GPR50: variants seen among roughly 807,000 people sequenced by gnomAD.
GPR50 encodes melatonin-related receptor.
GPR50 carries 1 observed loss-of-function variant against 2.6 expected under a neutral mutation model. The observed-to-expected ratio is 0.38, with a 90% CI of 0.13 to 1.79. The LOEUF is 1.79. Among genes scored for constraint, GPR50 ranks in the 40% most tolerant of loss-of-function variants. The pLI, the probability that GPR50 is intolerant of heterozygous loss-of-function variation, is 0.33. For missense variants in GPR50, 535 were observed against 522.1 expected, an observed-to-expected ratio of 1.02 and a Z score of -0.24; for synonymous variants, 233 against 202.3, an observed-to-expected ratio of 1.15 and a Z score of -1.29.
In GPR50 at chrX:151,180,777, A is replaced by G. The variant is rs202052111; in HGVS notation, c.1194A>G (p.Lys398=). 8.3e-7 allele frequency: 1 copy of G among 1,207,186 alleles called. No homozygotes were observed. The highest frequency in any genetic ancestry group is 3.0e-5 in the East Asian group (1 of 33,612). ...CCAGATCCTCCTCTGCCTATCGCAAATCTGCCTCTACCCACCACAAGTCTG... is the reference window on the plus strand; with the variant it reads ...CCAGATCCTCCTCTGCCTATCGCAAGTCTGCCTCTACCCACCACAAGTCTG... ...PHSRSSSAYR[K]SASTHHKSVF... Residue 398 remains lysine, a synonymous_variant, in exon 2 of 2, where the codon AAA becomes AAG. Transcript: ENST00000218316.
At position 151,176,900 on chromosome X, in the gene GPR50, G is replaced by A. The variant is rs375887607; in HGVS notation, c.179G>A (p.Arg60Gln). The change falls in exon 1 of 2, where the codon CGG (arginine) becomes CAG (glutamine). Residue 60 changes from arginine to glutamine, a missense_variant. Physicochemically the swap from Arg to Gln is conservative, Grantham distance 43. Transcript: ENST00000218316. ...ILAVTKNKKL[R>Q]NSGNIFVVSL... ...GCTGTGACGAAGAACAAGAAGCTCC[G>A]GAATTCTGGTAAGCCACCCCTTCTT... is the stretch of plus-strand genomic sequence containing the variant. 3.3e-5 allele frequency: 39 copies of A among 1,196,159 alleles called. No homozygotes were observed. The highest frequency in any genetic ancestry group is 4.7e-4 in the Middle Eastern group (2 of 4,294).
At position 151,180,679 on chromosome X, in the gene GPR50, C is replaced by G. The variant is rs200814649; in HGVS notation, c.1096C>G (p.Arg366Gly). 5.8e-6 allele frequency: 7 copies of G among 1,211,489 alleles called. No individual in the cohort carries two copies. The East Asian group carries it at 2.1e-4, about 36-fold the overall frequency. ...PAVEETPMNV[R>G]NVPLPGDAAA... is the part of the protein sequence containing the mutation. ...TGTGGAGGAAACCCCGATGAATGTC[C>G]GGAATGTTCCATTACCTGGTGATGC... The change falls in exon 2 of 2, where the codon CGG (arginine) becomes GGG (glycine). Residue 366 changes from arginine to glycine, a missense_variant. Physicochemically the swap from Arg to Gly is moderately radical, Grantham distance 125. Transcript: ENST00000218316.
At chrX:151,177,306 C>G (rs966490277) in intron 1 of GPR50, 1 of 124,838 alleles carries the variant, frequency 8.0e-6, no homozygotes, top group African/African-American at 3.2e-5. Flanking sequence ...ACCGAACTGA[C>G]GCGGAGGGAG....
chrX:151,181,373 C>G lies in GPR50; in HGVS notation c.1790C>G (p.Thr597Ser). 1 of 1,192,166 alleles carries G rather than the reference C, an allele frequency of 8.4e-7. No individual in the cohort carries two copies. Among genetic ancestry groups the G allele is most frequent in the Non-Finnish European group, 1.1e-6 (1 of 880,893 alleles). ...LPDPTVVTTS[T>S]NDYHDVVVID... The stretch of plus-strand genomic sequence containing the variant: ...GACCCTACTGTAGTCACTACCAGTA[C>G]CAATGATTACCATGATGTCGTGGTT... Residue 597 changes from threonine to serine, a missense_variant, in exon 2 of 2, where the codon ACC (threonine) becomes AGC (serine). Physicochemically the swap from Thr to Ser is moderately conservative, Grantham distance 58 (BLOSUM62 1). Transcript: ENST00000218316.
rs748768797 is a variant in GPR50, at chrX:151,180,842, C to T, written c.1259C>T (p.Pro420Leu). ...HSKAASGHLK[P>L]VSGHSKPASG... The stretch of plus-strand genomic sequence containing the variant: ...AAGGCTGCCTCTGGTCACCTCAAGC[C>T]TGTCTCTGGCCACTCCAAGCCTGCC... The change falls in exon 2 of 2, where the codon CCT becomes CTT. Residue 420 changes from proline to leucine, a missense_variant. Coordinates refer to ENST00000218316, the MANE Select transcript of GPR50 (RefSeq NM_004224.3). 1.7e-6 allele frequency: 2 copies of T among 1,211,048 alleles called. No homozygotes were observed. The highest frequency in any genetic ancestry group is 3.5e-5 in the African/African-American group (2 of 57,714).
In GPR50 at chrX:151,180,867, C is replaced by T. The variant is rs2048709559; in HGVS notation, c.1284C>T (p.Ala428=). 2.5e-6 allele frequency: 3 copies of T among 1,207,875 alleles called. No homozygotes were observed. In the South Asian group the frequency reaches 5.3e-5, roughly 21 times the overall value. Residue 428 remains alanine, a synonymous_variant, in exon 2 of 2, where the codon GCC becomes GCT. Transcript: ENST00000218316. The part of the protein sequence containing the change: ...LKPVSGHSKP[A]SGHPKSATVY... ...CTGTCTCTGGCCACTCCAAGCCTGC[C>T]TCTGGTCACCCCAAGTCTGCCACTG...
Position 151,176,692 on chromosome X carries a change from T to G in GPR50, c.-30T>G. On this transcript the variant is annotated 5_prime_UTR_variant, in exon 1 of 2. Transcript: ENST00000218316. ...ACCTGGCTGCTGATCCTGAGCCTGCTGGGAGATCTTAACGATCCCCAGGAG... is the reference window on the plus strand; with the variant it reads ...ACCTGGCTGCTGATCCTGAGCCTGCGGGGAGATCTTAACGATCCCCAGGAG... 1 of 1,081,987 alleles carries G rather than the reference T, an allele frequency of 9.2e-7. No homozygotes were observed. Among genetic ancestry groups the G allele is most frequent in the East Asian group, 3.1e-5 (1 of 31,919 alleles). 89.2% of individuals were successfully genotyped at this position (1,081,987 alleles called of 1,213,427 possible). A position where few individuals can be genotyped will look rare whatever the true frequency, so the allele number is the denominator to read the frequency against.
Position 151,181,390 on chromosome X carries a change from G to A in GPR50, c.1807G>A (p.Val603Ile). The change falls in exon 2 of 2, where the codon GTC becomes ATC. Residue 603 changes from valine (V) to isoleucine (I), a missense_variant. Val to Ile is a conservative substitution (Grantham distance 29). Coordinates refer to ENST00000218316, the MANE Select transcript of GPR50 (RefSeq NM_004224.3). ...TACCAGTACCAATGATTACCATGAT[G>A]TCGTGGTTATTGATGTTGAAGATGA... ...VTTSTNDYHD[V>I]VVIDVEDDPD... 8.4e-7 allele frequency: 1 copy of A among 1,191,932 alleles called. No individual in the cohort carries two copies. The highest frequency in any genetic ancestry group is 1.1e-6 in the Non-Finnish European group (1 of 882,847).
Position 151,176,755 on chromosome X carries a change from G to A in GPR50, c.34G>A (p.Gly12Ser). The A allele has an allele frequency of 3.3e-6, 4 of 1,202,568 alleles. No individual in the cohort carries two copies. In the South Asian group the frequency reaches 5.4e-5, roughly 16 times the overall value. ...GPTLAVPTPYGCIGCKLPQPE... is the reference protein window; with the variant it reads ...GPTLAVPTPYSCIGCKLPQPE... ...CACCCTAGCGGTTCCCACCCCCTAT[G>A]GCTGTATTGGCTGTAAGCTACCCCA... The change falls in exon 1 of 2, where the codon GGC (glycine) becomes AGC (serine). Residue 12 changes from glycine (G) to serine (S), a missense_variant. Gly to Ser is a moderately conservative substitution (Grantham distance 56). Coordinates refer to ENST00000218316, the MANE Select transcript of GPR50 (RefSeq NM_004224.3).
rs369275407 is a variant in GPR50 at position 151,177,232 on chromosome X, G to C, written c.187+324G>C. Reference sequence around the variant, plus strand: ...CGGCACCCGAGCGGGAGAGTCAGGCGATTCGCCCGGGGACAGCAAGCCGAG... The same window carrying C: ...CGGCACCCGAGCGGGAGAGTCAGGCCATTCGCCCGGGGACAGCAAGCCGAG... On this transcript the variant is annotated intron_variant, in intron 1 of 1. Transcript: ENST00000218316. 1.7e-5 allele frequency: 3 copies of C among 177,018 alleles called. No homozygotes were observed. In the South Asian group the frequency reaches 7.8e-4, roughly 46 times the overall value. The allele number at this position is 177,018 out of a possible 1,213,427, so 14.6% of individuals were successfully genotyped here.
Position 151,180,547 on chromosome X carries a change from C to G in GPR50, c.964C>G (p.Leu322Val), listed in dbSNP as rs1046919874. 2 of 1,211,397 alleles carry G rather than the reference C, an allele frequency of 1.7e-6. No individual in the cohort carries two copies. The highest frequency in any genetic ancestry group is 2.2e-6 in the Non-Finnish European group (2 of 895,337). Residue 322 changes from leucine (L) to valine (V), a missense_variant, in exon 2 of 2, where the codon CTC becomes GTC. Coordinates refer to ENST00000218316, the MANE Select transcript of GPR50 (RefSeq NM_004224.3). The part of the protein sequence containing the change: ...MRHPIIFFSG[L>V]ISDIREMQEA... ...GCACCCTATCATATTCTTCTCTGGC[C>G]TCATCAGTGATATTCGTGAGATGCA...
chrX:151,180,721 G>C lies in GPR50; in HGVS notation c.1138G>C (p.Asp380His). 5.8e-6 allele frequency: 7 copies of C among 1,210,697 alleles called. No individual in the cohort carries two copies. The highest frequency in any genetic ancestry group is 7.8e-6 in the Non-Finnish European group (7 of 895,016). The change falls in exon 2 of 2, where the codon GAC becomes CAC. Residue 380 changes from aspartate (D) to histidine (H), a missense_variant. Asp to His is a moderately conservative substitution (Grantham distance 81). Coordinates refer to ENST00000218316, the MANE Select transcript of GPR50 (RefSeq NM_004224.3). ...TGGTGATGCTGCAGCTGGCCACCCC[G>C]ACCGTGCCTCTGGCCACCCTAAGCC... is the stretch of plus-strand genomic sequence containing the variant. The part of the protein sequence containing the change: ...LPGDAAAGHP[D>H]RASGHPKPHS...
chrX:151,178,833 A>G (rs968131748), intron 1 of GPR50, among the ~76,000 whole-genome samples: 23 of 112,214 alleles, frequency 2.0e-4, no homozygotes, highest in African/African-American at 6.8e-4. Context: ...GGTTTTACAA[A>G]AAAGTTCCCA....
chrX:151,180,585 C>T lies in GPR50; in HGVS notation c.1002C>T (p.Thr334=). The T allele has an allele frequency of 8.3e-7, 1 of 1,210,401 alleles. No individual in the cohort carries two copies. Among genetic ancestry groups the T allele is most frequent in the Non-Finnish European group, 1.1e-6 (1 of 894,524 alleles). Residue 334 remains threonine (T), a synonymous_variant, in exon 2 of 2, where the codon ACC becomes ACT. Coordinates refer to ENST00000218316, the MANE Select transcript of GPR50 (RefSeq NM_004224.3). ...TTCGTGAGATGCAGGAGGCCCGTAC[C>T]CTGGCCCGCGCCCGTGCCCATGCTC... The part of the protein sequence containing the change: ...SDIREMQEAR[T]LARARAHARD...
rs764266376 is a variant in GPR50 at position 151,181,084 on chromosome X, C to A, written c.1501C>A (p.Pro501Thr). The A allele has an allele frequency of 1.4e-4, 165 of 1,163,243 alleles. No homozygotes were observed. The highest frequency in any genetic ancestry group is 1.8e-4 in the Non-Finnish European group (160 of 870,135). The change falls in exon 2 of 2, where the codon CCC (proline) becomes ACC (threonine). Residue 501 changes from proline (P) to threonine (T), a missense_variant. Physicochemically the swap from Pro to Thr is conservative, Grantham distance 38. Transcript: ENST00000218316. Reference protein sequence around the residue: ...AFSAATSHPKPTTGHIKPATS... With the variant: ...AFSAATSHPKTTTGHIKPATS... ...CAGTGCTGCCACCAGCCACCCTAAACCCACCACTGGCCACATCAAGCCAGC... is the reference window on the plus strand; with the variant it reads ...CAGTGCTGCCACCAGCCACCCTAAAACCACCACTGGCCACATCAAGCCAGC...
In GPR50 at chrX:151,181,034, C is replaced by A. The variant is rs1027467005; in HGVS notation, c.1451C>A (p.Ala484Asp). The change falls in exon 2 of 2, where the codon GCT becomes GAT. Residue 484 changes from alanine to aspartate, a missense_variant. Physicochemically the swap from Ala to Asp is moderately radical, Grantham distance 126. Transcript: ENST00000218316. ...CCCATCACTGGCCACCATGTCTCTG[C>A]TGGCAGCCACTCCAAGTCTGCCTTC... ...PKPITGHHVSAGSHSKSAFSA... is the reference protein window; with the variant it reads ...PKPITGHHVSDGSHSKSAFSA... 8.3e-7 allele frequency: 1 copy of A among 1,208,933 alleles called. No individual in the cohort carries two copies. Among genetic ancestry groups the A allele is most frequent in the African/African-American group, 1.8e-5 (1 of 56,889 alleles).
Position 151,180,561 on chromosome X carries a change from T to C in GPR50, c.978T>C (p.Ile326=). The part of the protein sequence containing the change: ...IIFFSGLISD[I]REMQEARTLA... ...TCTTCTCTGGCCTCATCAGTGATAT[T>C]CGTGAGATGCAGGAGGCCCGTACCC... The change falls in exon 2 of 2, where the codon ATT becomes ATC. Residue 326 remains isoleucine (I), a synonymous_variant. Transcript: ENST00000218316. The C allele has an allele frequency of 8.3e-7, 1 of 1,211,161 alleles. No homozygotes were observed. The highest frequency in any genetic ancestry group is 1.1e-6 in the Non-Finnish European group (1 of 895,213).
In GPR50 at chrX:151,181,164, C is replaced by A. The variant is rs777433829; in HGVS notation, c.1581C>A (p.Ser527Arg). The change falls in exon 2 of 2, where the codon AGC becomes AGA. Residue 527 changes from serine (S) to arginine (R), a missense_variant. Physicochemically the swap from Ser to Arg is moderately radical, Grantham distance 110 (BLOSUM62 -1). Transcript: ENST00000218316. ...ACTATCCCAAGCCTGCCACTACCAG[C>A]CACCCTAAGCCCACTGCTGCTGACA... ...TADYPKPATTSHPKPTAADNP... is the reference protein window; with the variant it reads ...TADYPKPATTRHPKPTAADNP... 3 of 1,209,039 alleles carry A rather than the reference C, an allele frequency of 2.5e-6. No homozygotes were observed.
rs768173691 is a variant in GPR50 at position 151,180,845 on chromosome X, T to C, written c.1262T>C (p.Val421Ala). ...GCTGCCTCTGGTCACCTCAAGCCTGTCTCTGGCCACTCCAAGCCTGCCTCT... is the reference window on the plus strand; with the variant it reads ...GCTGCCTCTGGTCACCTCAAGCCTGCCTCTGGCCACTCCAAGCCTGCCTCT... ...SKAASGHLKP[V>A]SGHSKPASGH... Residue 421 changes from valine (V) to alanine (A), a missense_variant, in exon 2 of 2, where the codon GTC becomes GCC. By Grantham distance (64) the Val-to-Ala change is moderately conservative. Coordinates refer to ENST00000218316, the MANE Select transcript of GPR50 (RefSeq NM_004224.3). 1 of 1,210,485 alleles carries C rather than the reference T, an allele frequency of 8.3e-7. No individual in the cohort carries two copies. The highest frequency in any genetic ancestry group is 1.1e-6 in the Non-Finnish European group (1 of 894,825).
Sources: gnomAD v4.1 joint callset for allele counts (sites outside exome capture counted in the v4.1 genomes callset) on GRCh38, gnomAD v4.1.1 for gene constraint, MANE v1.5 for transcripts, NCBI Gene and HGNC (gene_info 2026-07-23, HGNC 2026-07-21) for gene names.